Variants in MGMT observed in about 807,000 individuals in gnomAD.
The protein encoded by MGMT is O-6-methylguanine-DNA methyltransferase, also known as methylated-DNA--protein-cysteine methyltransferase.
A neutral mutation model predicts 15.9 loss-of-function variants in MGMT; 14 were observed. The observed-to-expected ratio is 0.88, with a 90% CI of 0.58 to 1.37. MGMT has a LOEUF of 1.37. MGMT is among the 40% of genes most tolerant of loss of function. The probability of loss-of-function intolerance (pLI) is 0.00; values close to 1 mark genes in which losing one functional copy is unlikely to be tolerated. For synonymous variants in MGMT, 130 were observed against 118.2 expected, an observed-to-expected ratio of 1.10 and a Z score of -0.65; for missense variants, 282 against 268.1, an observed-to-expected ratio of 1.05 and a Z score of -0.36.
chr10:129,636,259 T>C (rs1246760966), intron 2 of MGMT, among the ~76,000 whole-genome samples: 1 of 152,214 alleles, frequency 6.6e-6, no homozygotes, highest in Non-Finnish European at 1.5e-5. Flanking sequence ...TCGTCACCTC[T>C]GAACCATTCC....
chr10:129,476,410 A>G (rs1306610833), intron 1 of MGMT, among the ~76,000 whole-genome samples: 2 of 152,132 alleles, frequency 1.3e-5, no homozygotes, highest in African/African-American at 4.8e-5. Context: ...CTTCTCCCCC[A>G]GCTGTGGAGA....
intron 2 of MGMT, among the ~76,000 whole-genome samples, chr10:129,631,006 C>G (rs1418865094): frequency 6.6e-6 from 1 of 152,192 alleles, no homozygotes; most frequent in East Asian, 1.9e-4. Context: ...GGAAAAATAT[C>G]TCGAAATCCC....
chr10:129,620,425 T>A (rs1847078692), intron 2 of MGMT, among the ~76,000 whole-genome samples: 1 of 152,142 alleles, frequency 6.6e-6, no homozygotes, highest in South Asian at 2.1e-4. Context: ...GAGAAAGGAG[T>A]GTCGAAGTCT....
intron 2 of MGMT, among the ~76,000 whole-genome samples, chr10:129,703,093 A>G (rs760468795): frequency 3.3e-5 from 5 of 152,344 alleles, no homozygotes; most frequent in Non-Finnish European, 5.9e-5. Flanking sequence ...ATGTAGTATC[A>G]TAAATCATTG....
At chr10:129,676,444 C>G (rs1191878857) in intron 2 of MGMT, among the ~76,000 whole-genome samples, 2 of 152,146 alleles carry the variant, frequency 1.3e-5, no homozygotes, top group African/African-American at 4.8e-5. Context: ...CTCCCTCTGG[C>G]CAGTGTTCTT....
chr10:129,585,963 TAGTC>T (rs1455580562), intron 2 of MGMT, among the ~76,000 whole-genome samples: 1 of 152,108 alleles, frequency 6.6e-6, no homozygotes, highest in East Asian at 1.9e-4. Context: ...ATGACCTTGA[TAGTC>T]TATCTGATAG....
intron 2 of MGMT, among the ~76,000 whole-genome samples, chr10:129,563,595 C>T (rs556627932): frequency 1.3e-5 from 2 of 152,206 alleles, no homozygotes; most frequent in East Asian, 3.9e-4. Context: ...TGTGAGCATG[C>T]GGAGCTCCCC....
Position 129,662,327 on chromosome 10 carries a change from C to T in MGMT, c.126-45568C>T, listed in dbSNP as rs796560531. Among the ~76,000 whole-genome samples the T allele has an allele frequency of 9.2e-4, 140 of 152,164 alleles. 1 individual carries two copies. The highest frequency in any genetic ancestry group is 2.8e-3 in the African/African-American group (118 of 41,494). On this transcript the variant is annotated intron_variant, in intron 2 of 4. Transcript: ENST00000651593. ...AAAAAAGGAATTAAAATAGGGTGAC[C>T]AGTCATCCCAGCTCGCCTGTGACTG...
chr10:129,567,920 A>G (rs932069405), intron 2 of MGMT, among the ~76,000 whole-genome samples: 1 of 152,234 alleles, frequency 6.6e-6, no homozygotes, highest in Non-Finnish European at 1.5e-5. Flanking sequence ...ATTCAGAGAT[A>G]TGGAAGCCAA....
intron 1 of MGMT, chr10:129,467,554 C>G (rs980124687): frequency 3.8e-6 from 2 of 529,144 alleles, no homozygotes; most frequent in Admixed American, 1.3e-4. Context: ...GTCGTGGCAG[C>G]CCCTGCCTTA....
intron 2 of MGMT, among the ~76,000 whole-genome samples, chr10:129,675,005 CT>C (rs899858038): frequency 3.3e-5 from 5 of 152,172 alleles, no homozygotes; most frequent in African/African-American, 1.2e-4. Flanking sequence ...TCAGAGGAGG[CT>C]TCTTTGAGAG....
At chr10:129,734,639 A>C (rs1267056759) in intron 3 of MGMT, among the ~76,000 whole-genome samples, 1 of 152,070 alleles carries the variant, frequency 6.6e-6, no homozygotes. Flanking sequence ...GTCTTGTGCC[A>C]GTTTTCAAAG....
At chr10:129,493,982 C>T (rs1258499981) in intron 1 of MGMT, among the ~76,000 whole-genome samples, 124 of 152,148 alleles carry the variant, frequency 8.1e-4, no homozygotes, top group Admixed American at 8.1e-3. Flanking sequence ...ATATTGAACT[C>T]TTTAATATCA....
intron 2 of MGMT, among the ~76,000 whole-genome samples, chr10:129,685,924 C>T (rs1308810151): frequency 1.3e-5 from 2 of 152,206 alleles, no homozygotes; most frequent in African/African-American, 4.8e-5. Flanking sequence ...TAATTATTCC[C>T]TAGTTTTGAG....
At chr10:129,699,891 A>G (rs952202296) in intron 2 of MGMT, among the ~76,000 whole-genome samples, 3 of 152,106 alleles carry the variant, frequency 2.0e-5, no homozygotes, top group Admixed American at 6.5e-5. Flanking sequence ...AACTAAACAC[A>G]TAACAGTCAA....
intron 2 of MGMT, among the ~76,000 whole-genome samples, chr10:129,638,704 T>C (rs1182279057): frequency 6.6e-6 from 1 of 152,132 alleles, no homozygotes; most frequent in African/African-American, 2.4e-5. Flanking sequence ...TTGGCAAAAC[T>C]ATTCTCACAA....
intron 3 of MGMT, among the ~76,000 whole-genome samples, chr10:129,734,622 T>C (rs1215782447): frequency 1.3e-4 from 20 of 152,088 alleles, no homozygotes; most frequent in East Asian, 1.9e-4. Flanking sequence ...TGAGAGAGGG[T>C]ATCCCTGTCT....
In MGMT at chr10:129,620,622, T is replaced by C. The variant is rs997324491; in HGVS notation, c.125+84245T>C. On this transcript the variant is annotated intron_variant, in intron 2 of 4. Transcript: ENST00000651593. ...CCATTTTTCTTACTCTGAAGTTACT[T>C]TGATATTAATATTGCTAGCTTTCTT... Among the ~76,000 whole-genome samples the C allele has an allele frequency of 2.0e-5, 3 of 152,236 alleles. No homozygotes were observed. In the South Asian group the frequency reaches 6.2e-4, roughly 31 times the overall value.
chr10:129,687,109 T>C, intron 2 of MGMT, among the ~76,000 whole-genome samples: 1 of 152,254 alleles, frequency 6.6e-6, no homozygotes, highest in Non-Finnish European at 1.5e-5. Flanking sequence ...GCAAGTGTGC[T>C]GAACCAAGGG....
Sources: allele counts gnomAD v4.1 joint callset (sites outside exome capture counted in the v4.1 genomes callset), GRCh38; gene constraint gnomAD v4.1.1; transcripts MANE v1.5; gene names NCBI Gene and HGNC (gene_info 2026-07-23, HGNC 2026-07-21).